Variants in LINGO2 observed in about 807,000 individuals in gnomAD.
LINGO2 encodes leucine rich repeat and Ig domain containing 2.
A neutral mutation model predicts 30.6 loss-of-function variants in LINGO2; 14 were observed. The observed-to-expected ratio is 0.46, with a 90% CI of 0.30 to 0.72. LINGO2 has a LOEUF of 0.72. Ranked by LOEUF, LINGO2 falls within the 30% of genes least tolerant of loss-of-function variation. The pLI is 0.07. For synonymous variants in LINGO2, 317 were observed against 288.5 expected (o/e 1.10, Z -1.00); for missense variants, 729 against 751.7 (o/e 0.97, Z 0.35).
At chr9:28,556,355 G>A (rs1364009700) in intron 1 of LINGO2, among the ~76,000 whole-genome samples, 1 of 131,756 alleles carries the variant, frequency 7.6e-6, no homozygotes, top group Non-Finnish European at 1.6e-5. Flanking sequence ...ACCAACAACA[G>A]ACAAACAGAG....
the LINGO2 span, among the ~76,000 whole-genome samples, chr9:29,195,754 C>T: frequency 1.5e-4 from 23 of 152,190 alleles, no homozygotes; most frequent in Middle Eastern, 3.4e-3. Context: ...TACTTTATGA[C>T]GAAAGATTCT....
chr9:28,533,114 G>A (rs893338884), intron 1 of LINGO2, among the ~76,000 whole-genome samples: 2 of 151,932 alleles, frequency 1.3e-5, no homozygotes, highest in African/African-American at 4.8e-5. Flanking sequence ...CTGCCAGCAC[G>A]GCTAGAATAA....
At chr9:28,614,064 A>G (rs927734589) in intron 1 of LINGO2, among the ~76,000 whole-genome samples, 3 of 152,178 alleles carry the variant, frequency 2.0e-5, no homozygotes, top group Non-Finnish European at 4.4e-5. Context: ...TGATGCCTGG[A>G]CTAGATCATT....
At chr9:29,203,781 C>T in the LINGO2 span, among the ~76,000 whole-genome samples, 1 of 152,172 alleles carries the variant, frequency 6.6e-6, no homozygotes, top group Non-Finnish European at 1.5e-5. Context: ...TTCACACTTA[C>T]TCACTCTGAC....
At chr9:28,171,292 A>G (rs1168762598) in intron 4 of LINGO2, among the ~76,000 whole-genome samples, 1 of 152,234 alleles carries the variant, frequency 6.6e-6, no homozygotes, top group Non-Finnish European at 1.5e-5. Flanking sequence ...AAACTTGCAG[A>G]GGGAAGCAGA....
chr9:28,575,510 C>A lies in LINGO2; in HGVS notation c.-365+94690G>T, dbSNP rs115191558. ...GGACATAAAGATGAGAACATAAACA[C>A]TGAGTACACACAGACATAGACACTG... On this transcript the variant is annotated intron_variant, in intron 1 of 5. Transcript: ENST00000379992. Among the ~76,000 whole-genome samples the A allele has an allele frequency of 5.7e-3, 861 of 151,896 alleles. 9 individuals are homozygous for A. The highest frequency in any genetic ancestry group is 0.02 in the African/African-American group (835 of 41,428).
intron 3 of LINGO2, among the ~76,000 whole-genome samples, chr9:28,319,763 A>G (rs1342551093): frequency 6.6e-6 from 1 of 152,150 alleles, no homozygotes; most frequent in Non-Finnish European, 1.5e-5. Flanking sequence ...GGTGATAGAA[A>G]TGTTTTACAT....
At chr9:28,061,833 T>G (rs1825153930) in intron 4 of LINGO2, among the ~76,000 whole-genome samples, 1 of 152,102 alleles carries the variant, frequency 6.6e-6, no homozygotes, top group African/African-American at 2.4e-5. Context: ...GGCTCTAATC[T>G]CTTCAAGCCC....
the LINGO2 span, among the ~76,000 whole-genome samples, chr9:29,043,633 T>C: frequency 1.3e-5 from 2 of 152,018 alleles, no homozygotes; most frequent in Non-Finnish European, 2.9e-5. Flanking sequence ...ACTTATGAAA[T>C]CTGATGCTTA....
At chr9:28,440,926 T>C (rs1047061764) in intron 2 of LINGO2, among the ~76,000 whole-genome samples, 1 of 152,184 alleles carries the variant, frequency 6.6e-6, no homozygotes, top group African/African-American at 2.4e-5. Flanking sequence ...TAAAAGTGTA[T>C]ATACAAGCTG....
the LINGO2 span, among the ~76,000 whole-genome samples, chr9:28,996,627 T>C: frequency 7.9e-5 from 12 of 152,316 alleles, 1 homozygote; most frequent in Admixed American, 7.8e-4. Context: ...TTAATTTCCT[T>C]TTTGTTGTCA....
the LINGO2 span, among the ~76,000 whole-genome samples, chr9:29,053,433 G>A: frequency 6.6e-6 from 1 of 152,126 alleles, no homozygotes; most frequent in Non-Finnish European, 1.5e-5. Flanking sequence ...AAGGGGGAGG[G>A]ATAGCATTAG....
At chr9:28,186,814 G>C (rs1819558041) in intron 4 of LINGO2, among the ~76,000 whole-genome samples, 1 of 152,038 alleles carries the variant, frequency 6.6e-6, no homozygotes, top group Admixed American at 6.6e-5. Flanking sequence ...AGAGGACCAG[G>C]GTGCCGGAGC....
chr9:29,148,026 G>C, the LINGO2 span, among the ~76,000 whole-genome samples: 1 of 151,970 alleles, frequency 6.6e-6, no homozygotes, highest in Admixed American at 6.5e-5. Context: ...CTGAAGAGTA[G>C]CCAATTTTGT....
intron 4 of LINGO2, among the ~76,000 whole-genome samples, chr9:28,067,333 G>T (rs1825343960): frequency 6.6e-6 from 1 of 152,032 alleles, no homozygotes; most frequent in Non-Finnish European, 1.5e-5. Context: ...CCAAAACTTA[G>T]AGATAGTATA....
chr9:28,433,228 C>T (rs1437670162), intron 2 of LINGO2, among the ~76,000 whole-genome samples: 1 of 152,040 alleles, frequency 6.6e-6, no homozygotes, highest in African/African-American at 2.4e-5. Context: ...TGCAAATAGG[C>T]TTCCTAAATT....
chr9:29,206,786 C>T, the LINGO2 span, among the ~76,000 whole-genome samples: 77 of 152,206 alleles, frequency 5.1e-4, no homozygotes, highest in African/African-American at 1.7e-3. Context: ...AGAACAAATT[C>T]TCATGTACCA....
the LINGO2 span, among the ~76,000 whole-genome samples, chr9:29,129,768 A>C: frequency 8.5e-5 from 13 of 152,136 alleles, no homozygotes; most frequent in Non-Finnish European, 1.9e-4. Flanking sequence ...ACAGATATGA[A>C]GAAATATATA....
chr9:28,033,528 A>G (rs1450535208), intron 4 of LINGO2, among the ~76,000 whole-genome samples: 1 of 152,312 alleles, frequency 6.6e-6, no homozygotes, highest in East Asian at 1.9e-4. Context: ...GCCACGGTAT[A>G]GTTGTAAAAG....
Sources: allele counts gnomAD v4.1 joint callset (sites outside exome capture counted in the v4.1 genomes callset), GRCh38; gene constraint gnomAD v4.1.1; transcripts MANE v1.5; gene names NCBI Gene and HGNC (gene_info 2026-07-23, HGNC 2026-07-21).